STAU2: variants seen among roughly 807,000 people sequenced by gnomAD.
The protein encoded by STAU2 is double-stranded RNA-binding protein Staufen homolog 2.
A neutral mutation model predicts 65.9 loss-of-function variants in STAU2; 20 were observed. The observed-to-expected ratio is 0.30, with a 90% CI of 0.21 to 0.44. The LOEUF (loss-of-function observed/expected upper bound fraction) is 0.44, where lower values mean the gene tolerates loss of function less well. Among genes scored for constraint, STAU2 ranks in the 20% least tolerant of loss-of-function variants. The pLI is 1.00. For synonymous variants in STAU2, 232 were observed against 233.9 expected (o/e 0.99, Z 0.07); for missense variants, 558 against 683.9 (o/e 0.82, Z 2.05).
chr8:73,453,604 G>A (rs1376218251), intron 13 of STAU2, among the ~76,000 whole-genome samples: 2 of 152,190 alleles, frequency 1.3e-5, no homozygotes, highest in African/African-American at 4.8e-5. Context: ...TGGCACGAGT[G>A]CTTAGGTGCT....
At chr8:73,716,063 C>T (rs901601430) in intron 3 of STAU2, among the ~76,000 whole-genome samples, 8 of 151,192 alleles carry the variant, frequency 5.3e-5, no homozygotes, top group African/African-American at 1.5e-4. Flanking sequence ...TACAGGCATG[C>T]GCCACCATGC....
chr8:73,685,586 C>T (rs950702243), intron 5 of STAU2, among the ~76,000 whole-genome samples: 9 of 151,994 alleles, frequency 5.9e-5, no homozygotes, highest in Admixed American at 4.6e-4. Flanking sequence ...CCGTGTTAGC[C>T]AGGATGGTCT....
intron 1 of STAU2, among the ~76,000 whole-genome samples, chr8:73,746,099 G>A (rs983346887): frequency 1.3e-5 from 2 of 152,074 alleles, no homozygotes; most frequent in African/African-American, 2.4e-5. Flanking sequence ...GTAGGAGTTC[G>A]TAACAGCCAC....
chr8:73,743,268 G>A (rs974507468), intron 1 of STAU2, among the ~76,000 whole-genome samples: 1 of 150,132 alleles, frequency 6.7e-6, no homozygotes, highest in Admixed American at 6.6e-5. Context: ...AATTGTATAC[G>A]CTAGGTGCCA....
chr8:73,571,270 G>C (rs1169192440), intron 12 of STAU2, among the ~76,000 whole-genome samples: 3 of 152,116 alleles, frequency 2.0e-5, no homozygotes, highest in Admixed American at 1.3e-4. Context: ...CCTACAAAGA[G>C]ACTTAGACTC....
At chr8:73,551,053 A>G (rs1269758323) in intron 13 of STAU2, 3 of 986,730 alleles carry the variant, frequency 3.0e-6, no homozygotes, top group Non-Finnish European at 3.6e-6. Flanking sequence ...GAAAACAGTG[A>G]AATCTGAGGA....
At chr8:73,601,296 A>T (rs1811615983) in intron 10 of STAU2, among the ~76,000 whole-genome samples, 1 of 152,232 alleles carries the variant, frequency 6.6e-6, no homozygotes, top group South Asian at 2.1e-4. Context: ...TTAGTAATAC[A>T]GTGTGCTGAT....
intron 13 of STAU2, among the ~76,000 whole-genome samples, chr8:73,501,400 T>C (rs1225384215): frequency 6.6e-6 from 1 of 151,958 alleles, no homozygotes; most frequent in Non-Finnish European, 1.5e-5. Context: ...ATTGTGTATT[T>C]ATATTTGACA....
intron 13 of STAU2, among the ~76,000 whole-genome samples, chr8:73,542,742 T>C (rs1384430988): frequency 2.0e-5 from 3 of 152,088 alleles, no homozygotes; most frequent in Non-Finnish European, 4.4e-5. Context: ...CTCAGTGAAA[T>C]ACAAACTAAG....
intron 6 of STAU2, among the ~76,000 whole-genome samples, chr8:73,637,354 TAA>T (rs1237418685): frequency 1.3e-5 from 2 of 150,716 alleles, no homozygotes; most frequent in Non-Finnish European, 3.0e-5. Flanking sequence ...TGCTAAAAGC[TAA>T]AAAGACATAT....
intron 13 of STAU2, among the ~76,000 whole-genome samples, chr8:73,503,703 T>C (rs1821888791): frequency 6.6e-6 from 1 of 152,088 alleles, no homozygotes; most frequent in South Asian, 2.1e-4. Flanking sequence ...AATTAGAATA[T>C]TAAATAATTA....
Position 73,482,746 on chromosome 8 carries a change from A to G in STAU2, c.1531-60044T>C, listed in dbSNP as rs78336133. On this transcript the variant is annotated intron_variant, in intron 13 of 14. Coordinates refer to ENST00000524300, the MANE Select transcript of STAU2 (RefSeq NM_001164380.2). ...GTGACAGATATTTTAACATGTAGCA[A>G]TAACTGGGGGTTATATTTATAGTTT... Among the ~76,000 whole-genome samples the G allele has an allele frequency of 9.1e-3, 1,382 of 152,284 alleles. 23 individuals carry two copies. Among genetic ancestry groups the G allele is most frequent in the African/African-American group, 0.032 (1,324 of 41,574 alleles).
chr8:73,422,530 C>G (rs1816457852), intron 14 of STAU2, 84 bp downstream of exon 14: 1 of 1,123,570 alleles, frequency 8.9e-7, no homozygotes, highest in Admixed American at 3.6e-5. Flanking sequence ...CTATTGTCGA[C>G]TTTTTAAAAC....
chr8:73,443,019 C>G (rs1024092116), intron 13 of STAU2, among the ~76,000 whole-genome samples: 10 of 152,176 alleles, frequency 6.6e-5, no homozygotes, highest in African/African-American at 2.4e-4. Context: ...TTCCAATACG[C>G]AACTTCAAAT....
intron 13 of STAU2, among the ~76,000 whole-genome samples, chr8:73,510,241 A>T (rs1822309921): frequency 6.6e-6 from 1 of 151,762 alleles, no homozygotes; most frequent in Non-Finnish European, 1.5e-5. Flanking sequence ...CTAATTTTGT[A>T]TTTTTTTAAG....
intron 3 of STAU2, among the ~76,000 whole-genome samples, chr8:73,720,866 T>TA (rs1821606139): frequency 6.6e-6 from 1 of 152,082 alleles, no homozygotes; most frequent in African/African-American, 2.4e-5. Flanking sequence ...ATAGATTACT[T>TA]ATATTTTTTA....
At chr8:73,681,345 A>C (rs1818413603) in intron 5 of STAU2, among the ~76,000 whole-genome samples, 1 of 152,204 alleles carries the variant, frequency 6.6e-6, no homozygotes, top group Non-Finnish European at 1.5e-5. Context: ...ATCAGTCAAG[A>C]ATTTTATGTC....
intron 3 of STAU2, among the ~76,000 whole-genome samples, chr8:73,735,598 C>T (rs1239458585): frequency 1.2e-4 from 18 of 152,124 alleles, no homozygotes; most frequent in Admixed American, 1.2e-3. Flanking sequence ...AGGCAAAATT[C>T]CAAAATCTAA....
In STAU2 at chr8:73,654,637, C is replaced by CAAAAAAAAAAAAAAAAAAAAAAAAA. The variant is rs71269928; in HGVS notation, c.410+18469_410+18470insTTTTTTTTTTTTTTTTTTTTTTTTT. Among the ~76,000 whole-genome samples, 18 of 26,308 alleles carry CAAAAAAAAAAAAAAAAAAAAAAAAA rather than the reference C, an allele frequency of 6.8e-4. 2 individuals carry two copies. Among genetic ancestry groups the CAAAAAAAAAAAAAAAAAAAAAAAAA allele is most frequent in the Non-Finnish European group, 9.8e-4 (15 of 15,314 alleles). The allele number at this position is 26,308 out of a possible 152,430, so 17.3% of individuals were successfully genotyped here. On this transcript the variant is annotated intron_variant, in intron 6 of 14. Transcript: ENST00000524300. The stretch of plus-strand genomic sequence containing the variant: ...CCTAGATGACAGAACAAGATTGTCT[C>CAAAAAAAAAAAAAAAAAAAAAAAAA]AAAAAAAAAAAAAAAAAAAAAAAAG...
Sources: gnomAD v4.1 joint callset for allele counts (sites outside exome capture counted in the v4.1 genomes callset) on GRCh38, gnomAD v4.1.1 for gene constraint, MANE v1.5 for transcripts, NCBI Gene and HGNC (gene_info 2026-07-23, HGNC 2026-07-21) for gene names.